The following RIC8B variants were observed in gnomAD, a reference collection of about 807,000 sequenced individuals.
RIC8B encodes RIC8 guanine nucleotide exchange factor B, also known as chaperone Ric-8B.
In RIC8B, 16 loss-of-function variants were observed where a neutral mutation model predicts 57.5. That is an observed-to-expected ratio of 0.28 (90% CI 0.19 to 0.42). The LOEUF is 0.42. RIC8B is among the 10% of genes least tolerant of loss of function. The pLI is 1.00. For missense variants in RIC8B, 481 were observed against 677.0 expected, an observed-to-expected ratio of 0.71 and a Z score of 3.21; for synonymous variants, 216 against 250.8, an observed-to-expected ratio of 0.86 and a Z score of 1.31.
In RIC8B at chr12:106,887,863, A is replaced by T. The variant is rs898354381; in HGVS notation, c.*1848A>T. The stretch of plus-strand genomic sequence containing the variant: ...TATAATGGTGACCCTGAGTTTTTTT[A>T]AAAGAAGAAATTAAATCCAGAACGC... On this transcript the variant is annotated 3_prime_UTR_variant, in exon 10 of 10. Transcript: ENST00000392837. 11 of 152,364 alleles carry T rather than the reference A, an allele frequency of 7.2e-5. No individual in the cohort carries two copies. The highest frequency in any genetic ancestry group is 2.4e-4 in the African/African-American group (10 of 41,436). The allele number at this position is 152,364 out of a possible 1,614,324, so 9.4% of individuals were successfully genotyped here. A position where few individuals can be genotyped will look rare whatever the true frequency, so the allele number is the denominator to read the frequency against.
chr12:106,839,976 C>T (rs1407132081), intron 4 of RIC8B, among the ~76,000 whole-genome samples: 1 of 152,096 alleles, frequency 6.6e-6, no homozygotes, highest in African/African-American at 2.4e-5. Context: ...CATGATCATG[C>T]CACTGCACTC....
chr12:106,864,388 G>C (rs1236812649), intron 8 of RIC8B, among the ~76,000 whole-genome samples: 1 of 152,110 alleles, frequency 6.6e-6, no homozygotes, highest in African/African-American at 2.4e-5. Context: ...CCTAACGCTA[G>C]TAATAATAGC....
chr12:106,865,205 C>A (rs1422700751), intron 8 of RIC8B, among the ~76,000 whole-genome samples: 3 of 152,116 alleles, frequency 2.0e-5, no homozygotes, highest in African/African-American at 7.2e-5. Flanking sequence ...GCAGCTGCAC[C>A]ATTTTATATT....
chr12:106,840,207 A>G (rs944278320), intron 4 of RIC8B, among the ~76,000 whole-genome samples: 2 of 152,116 alleles, frequency 1.3e-5, no homozygotes, highest in African/African-American at 4.8e-5. Context: ...GTGTAATTTC[A>G]TGTTTTTGTC....
intron 7 of RIC8B, among the ~76,000 whole-genome samples, chr12:106,854,197 T>G (rs1949617671): frequency 6.6e-6 from 1 of 152,142 alleles, no homozygotes; most frequent in African/African-American, 2.4e-5. Flanking sequence ...TGTTTTTAAA[T>G]GTTGTCAGCT....
intron 4 of RIC8B, among the ~76,000 whole-genome samples, chr12:106,833,866 A>G (rs1235725630): frequency 6.6e-6 from 1 of 152,140 alleles, no homozygotes; most frequent in African/African-American, 2.4e-5. Flanking sequence ...TGTCCTCCCC[A>G]TAACAAGTGA....
chr12:106,781,558 G>C (rs1252195868), intron 1 of RIC8B, among the ~76,000 whole-genome samples: 1 of 152,142 alleles, frequency 6.6e-6, no homozygotes, highest in Non-Finnish European at 1.5e-5. Context: ...TCAATTTGTA[G>C]TGCCTCACAG....
Position 106,842,609 on chromosome 12 carries a change from G to C in RIC8B, c.857G>C (p.Ser286Thr), listed in dbSNP as rs1325553114. 6.2e-7 allele frequency: 1 copy of C among 1,613,570 alleles called. No individual in the cohort carries two copies. Among genetic ancestry groups the C allele is most frequent in the Non-Finnish European group, 8.5e-7 (1 of 1,179,742 alleles). ...ELHSNAVNLL[S>T]NVPVSCLDVL... ...TTCAGCAATGCAGTCAACCTTTTAA[G>C]CAATGTTCCAGTCTCTTGTTTGGAT... Residue 286 changes from serine to threonine, a missense_variant, in exon 5 of 10, where the codon AGC becomes ACC. Physicochemically the swap from Ser to Thr is moderately conservative, Grantham distance 58. Coordinates refer to ENST00000392837, the MANE Select transcript of RIC8B (RefSeq NM_001330145.2).
chr12:106,873,248 A>G (rs144849505), intron 9 of RIC8B: 6 of 949,976 alleles, frequency 6.3e-6, no homozygotes, highest in Non-Finnish European at 7.5e-6. Context: ...CAATTTTGCC[A>G]TTAAAGTTGA....
chr12:106,860,278 G>A lies in RIC8B; in HGVS notation c.1317G>A (p.Leu439=). Residue 439 remains leucine, a synonymous_variant, in exon 8 of 10, where the codon CTG becomes CTA. Coordinates refer to ENST00000392837, the MANE Select transcript of RIC8B (RefSeq NM_001330145.2). ...ATTCTGTTTTTGCAGTGGATAGTCTGCTGAAATACACTGGCTATGGGAATG... is the reference window on the plus strand; with the variant it reads ...ATTCTGTTTTTGCAGTGGATAGTCTACTGAAATACACTGGCTATGGGAATG... The part of the protein sequence containing the change: ...FVLCKERVDS[L]LKYTGYGNAA... 1 of 1,589,450 alleles carries A rather than the reference G, an allele frequency of 6.3e-7. No individual in the cohort carries two copies.
At chr12:106,807,174 A>C (rs546422987) in intron 2 of RIC8B, among the ~76,000 whole-genome samples, 1 of 152,150 alleles carries the variant, frequency 6.6e-6, no homozygotes, top group African/African-American at 2.4e-5. Flanking sequence ...AGTCCAACCC[A>C]TTTTGATTCT....
rs188760844 is a variant in RIC8B, at chr12:106,864,526, A to T, written c.1451+4114A>T. On this transcript the variant is annotated intron_variant, in intron 8 of 9. Coordinates refer to ENST00000392837, the MANE Select transcript of RIC8B (RefSeq NM_001330145.2). The stretch of plus-strand genomic sequence containing the variant: ...TTTATAGATGAGAAAACTAAAGGCA[A>T]TGAATCGAGTAATTTGTCCAGGGCA... Among the ~76,000 whole-genome samples the T allele has an allele frequency of 2.4e-4, 37 of 152,282 alleles. 1 individual carries two copies. The East Asian group carries it at 6.2e-3, about 25-fold the overall frequency.
chr12:106,883,668 C>CA, intron 9 of RIC8B, among the ~76,000 whole-genome samples: 1 of 152,072 alleles, frequency 6.6e-6, no homozygotes, highest in Non-Finnish European at 1.5e-5. Flanking sequence ...CCCACAACCT[C>CA]AGACTTAATC....
At chr12:106,833,616 A>C (rs1207755543) in intron 4 of RIC8B, among the ~76,000 whole-genome samples, 2 of 152,136 alleles carry the variant, frequency 1.3e-5, no homozygotes, top group Admixed American at 1.3e-4. Context: ...AAGAAAAAAA[A>C]AATTATCAAA....
rs182247998 is a variant in RIC8B, at chr12:106,784,757, A to G, written c.132+713A>G. On this transcript the variant is annotated intron_variant, in intron 2 of 9. Transcript: ENST00000392837. ...AGTATGACTGAATCAGTGTAAATCT[A>G]TCACTGCTGCTAGAAAAATAGCTTA... 3.2e-4 allele frequency among the ~76,000 whole-genome samples: 48 copies of G among 152,334 alleles called. 1 individual carries two copies. The highest frequency in any genetic ancestry group is 1.0e-3 in the African/African-American group (42 of 41,576).
chr12:106,814,021 T>C (rs1407272656), intron 2 of RIC8B, among the ~76,000 whole-genome samples: 1 of 152,212 alleles, frequency 6.6e-6, no homozygotes, highest in African/African-American at 2.4e-5. Context: ...AACTACTACA[T>C]ATATTTGTAC....
chr12:106,813,979 T>C (rs1228061386), intron 2 of RIC8B, among the ~76,000 whole-genome samples: 1 of 152,230 alleles, frequency 6.6e-6, no homozygotes, highest in Non-Finnish European at 1.5e-5. Flanking sequence ...TAGAATTGTT[T>C]TTGAGATATT....
At chr12:106,776,157 C>T (rs1317801640) in intron 1 of RIC8B, among the ~76,000 whole-genome samples, 1 of 152,210 alleles carries the variant, frequency 6.6e-6, no homozygotes, top group Non-Finnish European at 1.5e-5. Flanking sequence ...TTGTCCAACT[C>T]CAAGTCCAGC....
At chr12:106,821,148 C>T (rs117208510) in intron 3 of RIC8B, among the ~76,000 whole-genome samples, 2,381 of 152,282 alleles carry the variant, frequency 0.016, 33 homozygotes, top group Non-Finnish European at 0.024. Flanking sequence ...GGAGCATTAA[C>T]CCAATTTGAC....
Sources: gnomAD v4.1 joint callset for allele counts (sites outside exome capture counted in the v4.1 genomes callset) on GRCh38, gnomAD v4.1.1 for gene constraint, MANE v1.5 for transcripts, NCBI Gene and HGNC (gene_info 2026-07-23, HGNC 2026-07-21) for gene names.